BNC2: variants seen among roughly 807,000 people sequenced by gnomAD.
BNC2 encodes zinc finger protein basonuclin-2.
In BNC2, 20 loss-of-function variants were observed where a neutral mutation model predicts 76.3. The ratio of observed to expected loss-of-function variants is 0.26; its 90% CI spans 0.18 to 0.38. The LOEUF (loss-of-function observed/expected upper bound fraction) is 0.38. Among genes scored for constraint, BNC2 ranks in the 10% least tolerant of loss-of-function variants. The pLI is 1.00. For synonymous variants in BNC2, 582 were observed against 514.8 expected (o/e 1.13, Z -1.77); for missense variants, 1,382 against 1,399.8 (o/e 0.99, Z 0.20).
At chr9:16,759,115 A>G (rs181178924) in intron 1 of BNC2, among the ~76,000 whole-genome samples, 119 of 152,294 alleles carry the variant, frequency 7.8e-4, no homozygotes, top group African/African-American at 2.7e-3. Flanking sequence ...CCAAAAACCA[A>G]CGTACAGAAA....
chr9:16,755,059 G>C lies in BNC2; in HGVS notation c.4-16574C>G, dbSNP rs143207605. On this transcript the variant is annotated intron_variant, in intron 1 of 6. Transcript: ENST00000380672. ...GGGAGAGCAAAGCATCTGTGCTGTG[G>C]CCTCAAAACCTGACACATTCCAGAC... Among the ~76,000 whole-genome samples, 607 of 152,270 alleles carry C rather than the reference G, an allele frequency of 4.0e-3. 2 individuals carry two copies. Among genetic ancestry groups the C allele is most frequent in the Non-Finnish European group, 7.2e-3 (490 of 68,032 alleles).
chr9:16,461,813 T>C (rs1263545093), intron 5 of BNC2, among the ~76,000 whole-genome samples: 1 of 152,220 alleles, frequency 6.6e-6, no homozygotes, highest in Non-Finnish European at 1.5e-5. Flanking sequence ...TTTATTCAAG[T>C]ATAAGAGTTA....
intron 1 of BNC2, among the ~76,000 whole-genome samples, chr9:16,795,926 C>T (rs1817634825): frequency 6.6e-6 from 1 of 152,178 alleles, no homozygotes; most frequent in Admixed American, 6.5e-5. Context: ...TTACTAAGCA[C>T]CTCCAAGAGC....
At chr9:16,780,547 G>C (rs1032563057) in intron 1 of BNC2, among the ~76,000 whole-genome samples, 3 of 151,076 alleles carry the variant, frequency 2.0e-5, no homozygotes, top group Admixed American at 1.3e-4. Flanking sequence ...ACTCCAGCCT[G>C]GCGACAGGGC....
chr9:16,649,718 T>G (rs996778938), intron 3 of BNC2, among the ~76,000 whole-genome samples: 11 of 152,138 alleles, frequency 7.2e-5, no homozygotes, highest in Non-Finnish European at 1.3e-4. Flanking sequence ...ATGTATAAAT[T>G]ATGAATTAGC....
At chr9:16,561,816 C>A (rs908674538) in intron 4 of BNC2, among the ~76,000 whole-genome samples, 2 of 152,052 alleles carry the variant, frequency 1.3e-5, no homozygotes, top group African/African-American at 4.8e-5. Context: ...CCAGCCTGGG[C>A]AACGTGGTGA....
intron 1 of BNC2, among the ~76,000 whole-genome samples, chr9:16,860,121 C>CA (rs34877213): frequency 0.13 from 18,163 of 135,618 alleles, 1,413 homozygotes; most frequent in Non-Finnish European, 0.2. Flanking sequence ...GACTCCATCT[C>CA]AAAAAAAAAA....
intron 1 of BNC2, among the ~76,000 whole-genome samples, chr9:16,789,914 T>G (rs1296022482): frequency 6.6e-6 from 1 of 152,224 alleles, no homozygotes; most frequent in Non-Finnish European, 1.5e-5. Context: ...CTTACAAGAG[T>G]GCCTACTTGG....
At chr9:16,568,026 A>G (rs1395340855) in intron 4 of BNC2, among the ~76,000 whole-genome samples, 2 of 152,188 alleles carry the variant, frequency 1.3e-5, no homozygotes, top group Non-Finnish European at 2.9e-5. Context: ...TTACAAGTTA[A>G]AAAAGAAGGC....
intron 3 of BNC2, among the ~76,000 whole-genome samples, chr9:16,618,742 A>G (rs926744697): frequency 6.6e-6 from 1 of 152,192 alleles, no homozygotes; most frequent in Non-Finnish European, 1.5e-5. Flanking sequence ...ATGCATTCTC[A>G]GAAAACCAAT....
At chr9:16,840,463 G>C (rs1818799287) in intron 1 of BNC2, among the ~76,000 whole-genome samples, 1 of 152,160 alleles carries the variant, frequency 6.6e-6, no homozygotes, top group Non-Finnish European at 1.5e-5. Flanking sequence ...TCACTCTAAA[G>C]CTTGACCTTT....
In BNC2 at chr9:16,414,724, T is replaced by A. The variant is rs1820547525; in HGVS notation, c.*4265A>T. The A allele has an allele frequency of 6.6e-6, 1 of 152,212 alleles. No individual in the cohort carries two copies. 9.4% of individuals were successfully genotyped at this position (152,212 alleles called of 1,614,324 possible). A position where few individuals can be genotyped will look rare whatever the true frequency, so the allele number is the denominator to read the frequency against. The stretch of plus-strand genomic sequence containing the variant: ...GTCAAGCTGTCAGCAGTTAGCAGCA[T>A]GTCCATCTCAATCTGGTGACTAGCT... On this transcript the variant is annotated 3_prime_UTR_variant, in exon 7 of 7. Coordinates refer to ENST00000380672, the MANE Select transcript of BNC2 (RefSeq NM_017637.6).
intron 3 of BNC2, among the ~76,000 whole-genome samples, chr9:16,666,636 G>A (rs763799873): frequency 9.2e-5 from 14 of 152,162 alleles, no homozygotes; most frequent in Non-Finnish European, 1.8e-4. Flanking sequence ...GACTCACTGG[G>A]TGATTCTGGA....
At chr9:16,594,987 A>G (rs1405076839) in intron 3 of BNC2, among the ~76,000 whole-genome samples, 2 of 152,184 alleles carry the variant, frequency 1.3e-5, no homozygotes, top group Non-Finnish European at 2.9e-5. Context: ...AAGCAACTTG[A>G]AAAGTGAAAA....
chr9:16,438,616 C>G (rs568719953), intron 5 of BNC2, among the ~76,000 whole-genome samples: 1 of 152,190 alleles, frequency 6.6e-6, no homozygotes, highest in South Asian at 2.1e-4. Flanking sequence ...CCATTTCTTC[C>G]CATTGGGACA....
chr9:16,683,201 G>A (rs1418876866), intron 3 of BNC2, among the ~76,000 whole-genome samples: 2 of 152,112 alleles, frequency 1.3e-5, no homozygotes, highest in Non-Finnish European at 2.9e-5. Context: ...GGGATCTTGG[G>A]ATTATTAAAA....
chr9:16,711,404 C>T (rs900872457), intron 3 of BNC2, among the ~76,000 whole-genome samples: 4 of 152,026 alleles, frequency 2.6e-5, no homozygotes, highest in Non-Finnish European at 1.5e-5. Flanking sequence ...CTAATTAAAA[C>T]GGAGTTTACA....
intron 4 of BNC2, among the ~76,000 whole-genome samples, chr9:16,554,042 T>C (rs548292146): frequency 6.6e-6 from 1 of 152,272 alleles, no homozygotes; most frequent in African/African-American, 2.4e-5. Context: ...GGCAAATGGG[T>C]ATCAGCCAAC....
At chr9:16,734,178 G>A (rs946860723) in intron 2 of BNC2, among the ~76,000 whole-genome samples, 6 of 152,126 alleles carry the variant, frequency 3.9e-5, no homozygotes, top group African/African-American at 7.2e-5. Context: ...CTTTAATTCC[G>A]ATTAACATGT....
Sources: gnomAD v4.1 joint callset for allele counts (sites outside exome capture counted in the v4.1 genomes callset) on GRCh38, gnomAD v4.1.1 for gene constraint, MANE v1.5 for transcripts, NCBI Gene and HGNC (gene_info 2026-07-23, HGNC 2026-07-21) for gene names.